The following PRKN variants were observed in gnomAD, a reference collection of about 807,000 sequenced individuals.
PRKN encodes E3 ubiquitin-protein ligase parkin.
A neutral mutation model predicts 59.5 loss-of-function variants in PRKN; 56 were observed. That is an observed-to-expected ratio of 0.94 (90% confidence interval 0.76 to 1.18). The LOEUF is 1.18. Among genes scored for constraint, PRKN ranks in the 50% most tolerant of loss-of-function variants. The pLI, the probability that PRKN is intolerant of heterozygous loss-of-function variation, is 0.00. For synonymous variants in PRKN, 250 were observed against 222.1 expected (o/e 1.13, Z -1.12); for missense variants, 657 against 596.4 (o/e 1.10, Z -1.06).
At position 161,432,465 on chromosome 6, in the gene PRKN, C is replaced by T. The variant is rs377561793; in HGVS notation, c.1084-45588G>A. 1.4e-3 allele frequency among the ~76,000 whole-genome samples: 212 copies of T among 148,928 alleles called. 2 individuals are homozygous for T. The highest frequency in any genetic ancestry group is 4.9e-3 in the African/African-American group (197 of 40,404). On this transcript the variant is annotated intron_variant, in intron 9 of 11. Transcript: ENST00000366898. ...GCAACCTCTGCCTCCCGGGTTCAAG[C>T]GATTCTCCTGCCTCAGCCTCCCAAG...
intron 4 of PRKN, among the ~76,000 whole-genome samples, chr6:162,162,055 C>G (rs1455744360): frequency 2.0e-5 from 3 of 151,938 alleles, no homozygotes; most frequent in African/African-American, 7.3e-5. Flanking sequence ...GTTGAAGAAC[C>G]AACACAGTAT....
intron 1 of PRKN, chr6:162,727,354 A>C: frequency 2.9e-6 from 1 of 344,080 alleles, no homozygotes; most frequent in Non-Finnish European, 5.1e-6. Context: ...TCGGGACCCC[A>C]CACGGTCCGG....
intron 6 of PRKN, among the ~76,000 whole-genome samples, chr6:161,804,917 A>G (rs969479379): frequency 3.3e-5 from 5 of 152,192 alleles, no homozygotes; most frequent in Non-Finnish European, 7.3e-5. Context: ...TTGAATTTCT[A>G]TTAATACTTT....
At chr6:162,390,349 TG>T (rs1787104761) in intron 2 of PRKN, among the ~76,000 whole-genome samples, 1 of 140,676 alleles carries the variant, frequency 7.1e-6, no homozygotes, top group Non-Finnish European at 1.5e-5. Context: ...TGGAGGGGAA[TG>T]CCACATGGTG....
intron 9 of PRKN, among the ~76,000 whole-genome samples, chr6:161,485,961 A>C (rs1791625454): frequency 6.6e-6 from 1 of 152,166 alleles, no homozygotes; most frequent in South Asian, 2.1e-4. Context: ...AGGCTTTAAG[A>C]CTATAATTTT....
chr6:161,421,879 T>C (rs980072230), intron 9 of PRKN, among the ~76,000 whole-genome samples: 1 of 152,294 alleles, frequency 6.6e-6, no homozygotes, highest in Admixed American at 6.5e-5. Context: ...AAATTCTTGG[T>C]ATATTCTTCA....
chr6:161,508,009 A>C (rs886071540), intron 9 of PRKN, among the ~76,000 whole-genome samples: 40 of 152,208 alleles, frequency 2.6e-4, no homozygotes, highest in African/African-American at 8.7e-4. Flanking sequence ...TTTGGTAGTG[A>C]AGTTTCTGAT....
At chr6:161,382,093 A>C (rs1270858248) in intron 10 of PRKN, among the ~76,000 whole-genome samples, 1 of 143,588 alleles carries the variant, frequency 7.0e-6, no homozygotes, top group African/African-American at 2.6e-5. Context: ...GCCTGGGTGA[A>C]AGAGCGAGAC....
At chr6:162,418,963 A>G (rs6455830) in intron 2 of PRKN, among the ~76,000 whole-genome samples, 79,221 of 151,206 alleles carry the variant, frequency 0.52, 21,241 homozygotes, top group East Asian at 0.68. Context: ...TGGAGGTGTC[A>G]CAAACTGGGA....
chr6:161,800,595 C>T (rs1791037347), intron 6 of PRKN, among the ~76,000 whole-genome samples: 1 of 152,206 alleles, frequency 6.6e-6, no homozygotes, highest in Non-Finnish European at 1.5e-5. Flanking sequence ...GAGCAGTGGG[C>T]ATGGGATGCA....
intron 10 of PRKN, among the ~76,000 whole-genome samples, chr6:161,380,946 C>T (rs1398504178): frequency 6.6e-6 from 1 of 152,158 alleles, no homozygotes; most frequent in Non-Finnish European, 1.5e-5. Flanking sequence ...AAGCCATGCC[C>T]ACTCCAGTTT....
chr6:162,312,239 C>T (rs994234945), intron 2 of PRKN, among the ~76,000 whole-genome samples: 3 of 152,042 alleles, frequency 2.0e-5, no homozygotes, highest in African/African-American at 4.8e-5. Flanking sequence ...ATTTTATGGC[C>T]TTAGGACTGT....
intron 6 of PRKN, among the ~76,000 whole-genome samples, chr6:161,804,471 G>A (rs1021763865): frequency 6.6e-6 from 1 of 152,150 alleles, no homozygotes; most frequent in African/African-American, 2.4e-5. Context: ...TCTGAAATCT[G>A]CCTCTGCCAT....
chr6:162,133,779 T>C (rs979101795), intron 4 of PRKN, among the ~76,000 whole-genome samples: 3 of 152,238 alleles, frequency 2.0e-5, no homozygotes, highest in Non-Finnish European at 2.9e-5. Context: ...CGGCGGACTC[T>C]GATGTCCCAG....
intron 7 of PRKN, among the ~76,000 whole-genome samples, chr6:161,723,860 C>T (rs909905545): frequency 2.6e-5 from 4 of 152,166 alleles, no homozygotes; most frequent in African/African-American, 9.7e-5. Flanking sequence ...GTTCAGCAGA[C>T]CTGTTCTGCC....
Position 162,324,993 on chromosome 6 carries a change from T to G in PRKN, c.172-62228A>C, listed in dbSNP as rs114113362. ...ATCCACTGGGTGATTTCCCAGTAATTTAATTTAAAAAAACTGGCATTAAGA... is the reference window on the plus strand; with the variant it reads ...ATCCACTGGGTGATTTCCCAGTAATGTAATTTAAAAAAACTGGCATTAAGA... On this transcript the variant is annotated intron_variant, in intron 2 of 11. Coordinates refer to ENST00000366898, the MANE Select transcript of PRKN (RefSeq NM_004562.3). Among the ~76,000 whole-genome samples, 1,398 of 152,232 alleles carry G rather than the reference T, an allele frequency of 9.2e-3. 26 individuals are homozygous for G. Among genetic ancestry groups the G allele is most frequent in the African/African-American group, 0.031 (1,308 of 41,534 alleles).
intron 1 of PRKN, among the ~76,000 whole-genome samples, chr6:162,681,384 G>A (rs1779763082): frequency 1.3e-5 from 2 of 152,096 alleles, no homozygotes; most frequent in African/African-American, 4.8e-5. Flanking sequence ...AATAGAGTCT[G>A]GAGGCAGGGA....
chr6:162,454,687 A>G (rs1197402948), intron 1 of PRKN, among the ~76,000 whole-genome samples: 1 of 152,186 alleles, frequency 6.6e-6, no homozygotes, highest in Non-Finnish European at 1.5e-5. Flanking sequence ...CTTCAAACAG[A>G]TATGTCTGGA....
chr6:162,255,691 T>TA (rs1391442069), intron 3 of PRKN, among the ~76,000 whole-genome samples: 1 of 152,162 alleles, frequency 6.6e-6, no homozygotes, highest in East Asian at 1.9e-4. Flanking sequence ...GGCCCACACT[T>TA]ACTGCCAGTC....
Sources: allele counts gnomAD v4.1 joint callset (sites outside exome capture counted in the v4.1 genomes callset), GRCh38; gene constraint gnomAD v4.1.1; transcripts MANE v1.5; gene names NCBI Gene and HGNC (gene_info 2026-07-23, HGNC 2026-07-21).